Variants in PRICKLE1 observed in about 807,000 individuals in gnomAD.
PRICKLE1 encodes prickle planar cell polarity protein 1.
Under a neutral mutation model 70.2 loss-of-function variants are expected in PRICKLE1, and 14 were observed. The ratio of observed to expected loss-of-function variants is 0.20; its 90% CI spans 0.13 to 0.31. The LOEUF (loss-of-function observed/expected upper bound fraction) is 0.31. PRICKLE1 is among the 10% of genes least tolerant of loss of function. The pLI is 1.00. For synonymous variants in PRICKLE1, 357 were observed against 379.9 expected (o/e 0.94, Z 0.70); for missense variants, 821 against 1,026.2 (o/e 0.80, Z 2.73).
At chr12:42,584,479 T>C (rs995296911) in intron 1 of PRICKLE1, 2 of 152,284 alleles carry the variant, frequency 1.3e-5, no homozygotes, top group Middle Eastern at 3.4e-3. Context: ...AAAATGGCTA[T>C]CCTAGAAAAC....
chr12:42,525,598 A>G (rs2120505901), intron 1 of PRICKLE1, among the ~76,000 whole-genome samples: 1 of 152,274 alleles, frequency 6.6e-6, no homozygotes. Context: ...CCACTGCAGA[A>G]CTGATTGACT....
chr12:42,576,547 C>T (rs745325677), intron 1 of PRICKLE1, among the ~76,000 whole-genome samples: 20 of 152,190 alleles, frequency 1.3e-4, no homozygotes, highest in Non-Finnish European at 2.2e-4. Context: ...CATCTGATAG[C>T]GTTTGATCTT....
At chr12:42,577,844 A>G (rs1940828304) in intron 1 of PRICKLE1, among the ~76,000 whole-genome samples, 1 of 152,214 alleles carries the variant, frequency 6.6e-6, no homozygotes. Context: ...TGGGTAAGCT[A>G]CAAGTGCTTG....
At chr12:42,507,857 C>T (rs1269631041) in intron 1 of PRICKLE1, among the ~76,000 whole-genome samples, 1 of 152,162 alleles carries the variant, frequency 6.6e-6, no homozygotes, top group Non-Finnish European at 1.5e-5. Flanking sequence ...GTTAATTTTT[C>T]CTCATTAGCC....
intron 7 of PRICKLE1, 35 bp from the exon 8 acceptor site, chr12:42,460,700 A>T (rs1436578403): frequency 1.2e-6 from 2 of 1,601,174 alleles, no homozygotes; most frequent in Non-Finnish European, 1.7e-6. Flanking sequence ...GTGCTTCTCA[A>T]TCATCCTAAT....
chr12:42,545,865 A>T (rs147266081), intron 1 of PRICKLE1, among the ~76,000 whole-genome samples: 5,592 of 148,074 alleles, frequency 0.038, 264 homozygotes, highest in Admixed American at 0.14. Context: ...AGAAAAAAAA[A>T]AAATATATAT....
chr12:42,551,030 C>T (rs1296413555), intron 1 of PRICKLE1, among the ~76,000 whole-genome samples: 1 of 152,166 alleles, frequency 6.6e-6, no homozygotes, highest in Non-Finnish European at 1.5e-5. Flanking sequence ...AAATGTGCCA[C>T]AGTCAGCACA....
At position 42,515,000 on chromosome 12, in the gene PRICKLE1, C is replaced by T. The variant is rs192341221; in HGVS notation, c.-48-42436G>A. Among the ~76,000 whole-genome samples, 901 of 152,012 alleles carry T rather than the reference C, an allele frequency of 5.9e-3. 8 individuals carry two copies. The highest frequency in any genetic ancestry group is 0.02 in the Middle Eastern group (6 of 294). ...TAGGAGTGCGGTGGCATGATCTTGG[C>T]ACTGCAACTTCCGCCTCCCAGGTTC... On this transcript the variant is annotated intron_variant, in intron 1 of 7. Transcript: ENST00000345127.
At chr12:42,472,322 T>C (rs1938355345) in intron 2 of PRICKLE1, 63 bp downstream of exon 2, 1 of 1,573,712 alleles carries the variant, frequency 6.4e-7, no homozygotes, top group Non-Finnish European at 8.7e-7. Flanking sequence ...TACAAAATAA[T>C]GTTCTAAAGT....
chr12:42,585,495 A>C (rs1361274113), intron 1 of PRICKLE1, among the ~76,000 whole-genome samples: 1 of 152,306 alleles, frequency 6.6e-6, no homozygotes, highest in Non-Finnish European at 1.5e-5. Context: ...CACAACTGGA[A>C]ATAGTCAATG....
chr12:42,466,109 A>C (rs1792658461), intron 6 of PRICKLE1, 85 bp downstream of exon 6: 2 of 1,458,938 alleles, frequency 1.4e-6, no homozygotes, highest in South Asian at 2.3e-5. Flanking sequence ...AACTTTAAAA[A>C]ACAGAAAAAG....
chr12:42,532,635 C>T (rs904290926), intron 1 of PRICKLE1, among the ~76,000 whole-genome samples: 35 of 152,186 alleles, frequency 2.3e-4, no homozygotes, highest in Admixed American at 4.6e-4. Flanking sequence ...CGGTGGCTCA[C>T]GCCTGTAATC....
Position 42,567,796 on chromosome 12 carries a change from CAA to C in PRICKLE1, c.-49+21667_-49+21668del, listed in dbSNP as rs34315516. Among the ~76,000 whole-genome samples, 400 of 118,402 alleles carry C rather than the reference CAA, an allele frequency of 3.4e-3. 5 individuals carry two copies. The highest frequency in any genetic ancestry group is 4.4e-3 in the Middle Eastern group (1 of 226). 77.7% of individuals were successfully genotyped at this position (118,402 alleles called of 152,430 possible). Reference sequence around the variant, plus strand: ...GAGCCAAGATCGTGCCACTTCATCTCAAAAAAAAAAAAAAAAAAAGAGGTATA... The same window carrying C: ...GAGCCAAGATCGTGCCACTTCATCTCAAAAAAAAAAAAAAAAAGAGGTATA... On this transcript the variant is annotated intron_variant, in intron 1 of 7. Coordinates refer to ENST00000345127, the MANE Select transcript of PRICKLE1 (RefSeq NM_153026.3).
rs773422113 is a variant in PRICKLE1 at position 42,464,676 on chromosome 12, G to A, written c.1358C>T (p.Thr453Ile). Residue 453 changes from threonine (T) to isoleucine (I), a missense_variant, in exon 7 of 8, where the codon ACC becomes ATC. Physicochemically the swap from Thr to Ile is moderately conservative, Grantham distance 89 (BLOSUM62 -1). Transcript: ENST00000345127. The surrounding 1 kb of genome is among the most constrained non-coding windows in gnomAD (Gnocchi z 4.2). ...WISDNMVKSK[T>I]ELKQNNQSLA... ...GCTCTGGTTATTTTGCTTTAACTCGGTCTTACTTTTAACCATGTTATCAGA... is the reference window on the plus strand; with the variant it reads ...GCTCTGGTTATTTTGCTTTAACTCGATCTTACTTTTAACCATGTTATCAGA... 4 of 1,613,854 alleles carry A rather than the reference G, an allele frequency of 2.5e-6. No individual in the cohort carries two copies. The highest frequency in any genetic ancestry group is 3.4e-6 in the Non-Finnish European group (4 of 1,179,996).
At chr12:42,521,277 G>A (rs1369247390) in intron 1 of PRICKLE1, among the ~76,000 whole-genome samples, 1 of 152,112 alleles carries the variant, frequency 6.6e-6, no homozygotes, top group East Asian at 1.9e-4. Context: ...AAAGTCCAAA[G>A]AATAGTGGCA....
intron 1 of PRICKLE1, among the ~76,000 whole-genome samples, chr12:42,514,897 C>CTATG (rs1229003297): frequency 1.0e-5 from 1 of 95,706 alleles, no homozygotes; most frequent in African/African-American, 3.0e-5. Context: ...CTCTATCTAT[C>CTATG]TATCTATCTA....
In PRICKLE1 at chr12:42,588,686, C is replaced by G. The variant is rs1300138850; in HGVS notation, c.-49+779G>C. ...GTGATGCAGCCGTCCTCCCTCTCTC[C>G]CAACCCCCAACCTCGTTCTTCAGCC... On this transcript the variant is annotated intron_variant, in intron 1 of 7. Coordinates refer to ENST00000345127, the MANE Select transcript of PRICKLE1 (RefSeq NM_153026.3). Among the ~76,000 whole-genome samples, 4 of 152,110 alleles carry G rather than the reference C, an allele frequency of 2.6e-5. No individual in the cohort carries two copies. The South Asian group carries it at 6.2e-4, about 24-fold the overall frequency.
At chr12:42,527,964 T>TATATAC (rs1939842650) in intron 1 of PRICKLE1, among the ~76,000 whole-genome samples, 11 of 7,192 alleles carry the variant, frequency 1.5e-3, no homozygotes, top group African/African-American at 3.3e-3. Context: ...TATATATATA[T>TATATAC]ATATATATCT....
In PRICKLE1 at chr12:42,460,626, A is replaced by G; in HGVS notation, c.1679T>C (p.Leu560Ser). Residue 560 changes from leucine to serine, a missense_variant, in exon 8 of 8, where the codon TTG becomes TCG. Leu to Ser is a moderately radical substitution (Grantham distance 145). Coordinates refer to ENST00000345127, the MANE Select transcript of PRICKLE1 (RefSeq NM_153026.3). ...VDGENKPRPS[L>S]YSLQNFEEME... is the part of the protein sequence containing the mutation. ...CTCCTCAAAATTTTGCAGAGAATAC[A>G]ATGATGGCCTTGGCTTGTTTTCTCC... 1 of 1,612,556 alleles carries G rather than the reference A, an allele frequency of 6.2e-7. No individual in the cohort carries two copies. The highest frequency in any genetic ancestry group is 1.1e-5 in the South Asian group (1 of 91,084).
Sources: gnomAD v4.1 joint callset for allele counts (sites outside exome capture counted in the v4.1 genomes callset) on GRCh38, gnomAD v4.1.1 for gene constraint, Gnocchi (gnomAD v3.1) non-coding constraint, MANE v1.5 for transcripts, NCBI Gene and HGNC (gene_info 2026-07-23, HGNC 2026-07-21) for gene names.